Variants in DENND2B observed in about 807,000 individuals in gnomAD.
DENND2B encodes the protein DENN domain-containing protein 2B.
DENND2B carries 32 observed loss-of-function variants against 116.0 expected under a neutral mutation model. The observed-to-expected ratio is 0.28, with a 90% CI of 0.21 to 0.37. The LOEUF (loss-of-function observed/expected upper bound fraction) is 0.37, where lower values mean the gene tolerates loss of function less well. DENND2B is among the 10% of genes least tolerant of loss of function. The pLI is 1.00. For synonymous variants in DENND2B, 588 were observed against 583.9 expected (o/e 1.01, Z -0.10); for missense variants, 1,276 against 1,477.7 (o/e 0.86, Z 2.24).
intron 17 of DENND2B, among the ~76,000 whole-genome samples, 188 bp from the exon 18 acceptor site, chr11:8,696,854 G>C (rs747962797): frequency 2.6e-5 from 4 of 152,208 alleles, no homozygotes; most frequent in Non-Finnish European, 4.4e-5. Flanking sequence ...CGCCATCTCA[G>C]CTCATTGCAA....
intron 1 of DENND2B, among the ~76,000 whole-genome samples, chr11:8,795,459 T>A (rs1001775811): frequency 3.9e-5 from 6 of 152,226 alleles, no homozygotes; most frequent in African/African-American, 1.4e-4. Flanking sequence ...TACTAAAAAA[T>A]TTCTACTAAA....
At chr11:8,827,536 G>A (rs550607668) in intron 4 of DENND2B, among the ~76,000 whole-genome samples, 2 of 152,308 alleles carry the variant, frequency 1.3e-5, no homozygotes, top group South Asian at 2.1e-4. Context: ...AAGAAGGGGT[G>A]CATACTCTGG....
chr11:8,742,664 C>T (rs1565811220), intron 2 of DENND2B, among the ~76,000 whole-genome samples: 1 of 152,206 alleles, frequency 6.6e-6, no homozygotes, highest in Admixed American at 6.5e-5. Flanking sequence ...TAAGAAGGAG[C>T]TGTTTCGTTG....
intron 2 of DENND2B, among the ~76,000 whole-genome samples, chr11:8,859,331 A>G (rs975673558): frequency 4.6e-5 from 7 of 151,938 alleles, no homozygotes; most frequent in Non-Finnish European, 1.0e-4. Context: ...TTTTTGAGAC[A>G]GAGTCTCCCT....
chr11:8,753,628 G>T (rs114263947), intron 1 of DENND2B, among the ~76,000 whole-genome samples: 2,960 of 150,618 alleles, frequency 0.02, 103 homozygotes, highest in African/African-American at 0.067. Context: ...GATGAACAAA[G>T]TTAGAAGACT....
chr11:8,825,143 A>G (rs996713156), intron 4 of DENND2B, among the ~76,000 whole-genome samples: 1 of 152,080 alleles, frequency 6.6e-6, no homozygotes, highest in South Asian at 2.1e-4. Flanking sequence ...TCCCACCAAC[A>G]CTACATAAAC....
At chr11:8,904,888 TA>T (rs572398440) in intron 1 of DENND2B, among the ~76,000 whole-genome samples, 4 of 151,786 alleles carry the variant, frequency 2.6e-5, no homozygotes, top group East Asian at 1.9e-4. Flanking sequence ...ACAATATTAG[TA>T]AAAAAAATAA....
chr11:8,798,597 A>G (rs2060034424), intron 1 of DENND2B, among the ~76,000 whole-genome samples: 1 of 152,094 alleles, frequency 6.6e-6, no homozygotes, highest in African/African-American at 2.4e-5. Flanking sequence ...CCATGTAGAC[A>G]TCTGGCCTTC....
chr11:8,760,874 C>T (rs1004916992), intron 1 of DENND2B, among the ~76,000 whole-genome samples: 2 of 152,146 alleles, frequency 1.3e-5, no homozygotes, highest in Non-Finnish European at 2.9e-5. Flanking sequence ...GGTGTTTTTA[C>T]AGGCCCCCGT....
chr11:8,902,325 C>CAAAA, intron 1 of DENND2B, among the ~76,000 whole-genome samples: 1 of 128,060 alleles, frequency 7.8e-6, no homozygotes. Flanking sequence ...GACTCCATCT[C>CAAAA]AAAAAAAAAA....
At chr11:8,747,444 T>G (rs1020162811) in intron 2 of DENND2B, among the ~76,000 whole-genome samples, 6 of 151,324 alleles carry the variant, frequency 4.0e-5, no homozygotes, top group African/African-American at 1.2e-4. Flanking sequence ...AGTGGCAAAG[T>G]TCACCCTATC....
At chr11:8,782,228 T>C (rs562388428) in intron 1 of DENND2B, among the ~76,000 whole-genome samples, 2 of 152,144 alleles carry the variant, frequency 1.3e-5, no homozygotes, top group Non-Finnish European at 1.5e-5. Context: ...TGACTTTGAA[T>C]GAAAAAAAAT....
chr11:8,818,572 G>A (rs899746892), intron 4 of DENND2B, among the ~76,000 whole-genome samples: 4 of 151,550 alleles, frequency 2.6e-5, no homozygotes, highest in African/African-American at 4.9e-5. Context: ...CATTCTCCCC[G>A]GCTAGACTGA....
intron 1 of DENND2B, chr11:8,776,331 GGC>G: frequency 2.3e-6 from 1 of 429,784 alleles, no homozygotes; most frequent in Non-Finnish European, 4.7e-6. Context: ...TATGCTCCAA[GGC>G]CCAGGCCAAG....
At chr11:8,746,238 A>T (rs2051221515) in intron 2 of DENND2B, among the ~76,000 whole-genome samples, 1 of 152,176 alleles carries the variant, frequency 6.6e-6, no homozygotes, top group South Asian at 2.1e-4. Flanking sequence ...ACAGGGTCCA[A>T]ATCTGTGCCT....
At chr11:8,701,520 T>C (rs548636409) in intron 14 of DENND2B, among the ~76,000 whole-genome samples, 27 of 152,190 alleles carry the variant, frequency 1.8e-4, no homozygotes, top group African/African-American at 5.5e-4. Flanking sequence ...CTCTGTACTT[T>C]CTTCTTTCTG....
chr11:8,776,148 ACGCGCGCGCG>A (rs762259209), intron 1 of DENND2B: 2 of 189,472 alleles, frequency 1.1e-5, no homozygotes, highest in Non-Finnish European at 1.1e-5. Context: ...ACGTGCGCGC[ACGCGCGCGCG>A]CGCACACACA....
intron 1 of DENND2B, among the ~76,000 whole-genome samples, chr11:8,790,039 T>C (rs2059245558): frequency 6.6e-6 from 1 of 152,104 alleles, no homozygotes; most frequent in Non-Finnish European, 1.5e-5. Context: ...TTGACACTCC[T>C]CAATCTACCC....
At chr11:8,699,458 C>T in intron 14 of DENND2B, 68 bp from the exon 15 acceptor site, 1 of 1,477,106 alleles carries the variant, frequency 6.8e-7, no homozygotes, top group South Asian at 1.3e-5. Flanking sequence ...GCTGGAGGCT[C>T]AGGACAGCCT....
Sources: gnomAD v4.1 joint callset for allele counts (sites outside exome capture counted in the v4.1 genomes callset) on GRCh38, gnomAD v4.1.1 for gene constraint, MANE v1.5 for transcripts, NCBI Gene and HGNC (gene_info 2026-07-23, HGNC 2026-07-21) for gene names.